LRRC4C: variants seen among roughly 807,000 people sequenced by gnomAD.
LRRC4C encodes leucine-rich repeat-containing protein 4C.
A neutral mutation model predicts 33.6 loss-of-function variants in LRRC4C; 5 were observed. That is an observed-to-expected ratio of 0.15 (90% CI 0.08 to 0.31). LRRC4C has a LOEUF of 0.31. Among genes scored for constraint, LRRC4C ranks in the 10% least tolerant of loss-of-function variants. The pLI is 1.00. For missense variants in LRRC4C, 560 were observed against 796.7 expected, an observed-to-expected ratio of 0.70 and a Z score of 3.58; for synonymous variants, 329 against 302.0, an observed-to-expected ratio of 1.09 and a Z score of -0.93.
At chr11:41,329,007 C>A (rs961956764) in intron 1 of LRRC4C, among the ~76,000 whole-genome samples, 5 of 151,998 alleles carry the variant, frequency 3.3e-5, no homozygotes, top group African/African-American at 1.2e-4. Flanking sequence ...AATATAATGC[C>A]CCATTTAATA....
intron 3 of LRRC4C, among the ~76,000 whole-genome samples, chr11:40,361,614 C>T (rs763987851): frequency 8.6e-5 from 13 of 151,952 alleles, no homozygotes; most frequent in East Asian, 3.9e-4. Flanking sequence ...ATAACACAAA[C>T]GAAAAAACAT....
intron 1 of LRRC4C, among the ~76,000 whole-genome samples, chr11:41,123,576 T>C (rs371407840): frequency 3.9e-4 from 60 of 152,060 alleles, no homozygotes; most frequent in African/African-American, 1.4e-3. Context: ...CCGGCCTTTT[T>C]TTTCTTTTTT....
Position 40,578,140 on chromosome 11 carries a change from G to GTTTTTTTTTTTTTTTTTTTT in LRRC4C, c.-270+70001_-270+70002insAAAAAAAAAAAAAAAAAAAA. On this transcript the variant is annotated intron_variant, in intron 3 of 6. Coordinates refer to ENST00000528697, the MANE Select transcript of LRRC4C (RefSeq NM_001258419.2). Reference sequence around the variant, plus strand: ...TGATATTATTGGACTTTTTTTTTTCGGTTTTTTTTTTTTTTTTTTTTTTTT... The same window carrying GTTTTTTTTTTTTTTTTTTTT: ...TGATATTATTGGACTTTTTTTTTTCGTTTTTTTTTTTTTTTTTTTTGTTTTTTTTTTTTTTTTTTTTTTTT... 4.9e-3 allele frequency among the ~76,000 whole-genome samples: 200 copies of GTTTTTTTTTTTTTTTTTTTT among 40,570 alleles called. 96 individuals are homozygous for GTTTTTTTTTTTTTTTTTTTT. The highest frequency in any genetic ancestry group is 7.6e-3 in the African/African-American group (54 of 7,096). The allele number at this position is 40,570 out of a possible 152,430, so 26.6% of individuals were successfully genotyped here. A position where few individuals can be genotyped will look rare whatever the true frequency, so the allele number is the denominator to read the frequency against.
chr11:41,310,662 C>A (rs1464332995), intron 1 of LRRC4C, among the ~76,000 whole-genome samples: 1 of 151,996 alleles, frequency 6.6e-6, no homozygotes, highest in Non-Finnish European at 1.5e-5. Context: ...ATTTGTCTAG[C>A]CTTAGTTTAA....
chr11:40,719,376 T>TA (rs1393846901), intron 2 of LRRC4C, among the ~76,000 whole-genome samples: 4 of 152,062 alleles, frequency 2.6e-5, no homozygotes, highest in African/African-American at 9.7e-5. Context: ...GAAAGTCAAC[T>TA]AAAAAAGGGA....
intron 3 of LRRC4C, among the ~76,000 whole-genome samples, chr11:40,588,520 T>G (rs1320783312): frequency 6.6e-6 from 1 of 151,732 alleles, no homozygotes; most frequent in Non-Finnish European, 1.5e-5. Flanking sequence ...TTCTGCTAGC[T>G]TTTGAATGTG....
At chr11:40,475,998 G>A (rs957241615) in intron 3 of LRRC4C, among the ~76,000 whole-genome samples, 1 of 152,096 alleles carries the variant, frequency 6.6e-6, no homozygotes, top group African/African-American at 2.4e-5. Context: ...AGGATATTTA[G>A]CAGCATCTCT....
At chr11:40,985,383 C>T (rs956919641) in intron 1 of LRRC4C, among the ~76,000 whole-genome samples, 1 of 151,590 alleles carries the variant, frequency 6.6e-6, no homozygotes, top group Non-Finnish European at 1.5e-5. Flanking sequence ...GGAAAAGTAC[C>T]TTATCATAAC....
At chr11:41,191,101 C>T (rs1472470434) in intron 1 of LRRC4C, among the ~76,000 whole-genome samples, 1 of 152,140 alleles carries the variant, frequency 6.6e-6, no homozygotes, top group African/African-American at 2.4e-5. Context: ...ATTCTGCAAT[C>T]TGTAGAAATG....
chr11:41,266,384 G>A (rs1481353587), intron 1 of LRRC4C, among the ~76,000 whole-genome samples: 1 of 152,014 alleles, frequency 6.6e-6, no homozygotes, highest in Non-Finnish European at 1.5e-5. Flanking sequence ...CTTTCAGTTT[G>A]ATAGAGTTTT....
At chr11:40,591,187 AT>A (rs909654582) in intron 3 of LRRC4C, among the ~76,000 whole-genome samples, 1 of 152,026 alleles carries the variant, frequency 6.6e-6, no homozygotes, top group Admixed American at 6.5e-5. Context: ...TTGGTGTGCC[AT>A]TTTTTAAGCC....
chr11:41,323,027 G>A (rs1052175260), intron 1 of LRRC4C, among the ~76,000 whole-genome samples: 12 of 152,196 alleles, frequency 7.9e-5, no homozygotes, highest in African/African-American at 2.9e-4. Flanking sequence ...AAAGGAAGAA[G>A]AGAAATAAAA....
chr11:40,382,522 CTTTAT>C (rs997925571), intron 3 of LRRC4C, among the ~76,000 whole-genome samples: 168 of 151,572 alleles, frequency 1.1e-3, no homozygotes, highest in African/African-American at 3.9e-3. Context: ...CTCCAACCCT[CTTTAT>C]TTATTATTAT....
chr11:40,275,809 T>C (rs1943059016), intron 4 of LRRC4C, among the ~76,000 whole-genome samples: 1 of 152,156 alleles, frequency 6.6e-6, no homozygotes, highest in South Asian at 2.1e-4. Flanking sequence ...GTTGGAAGCT[T>C]GTGAAGAACA....
chr11:41,084,595 T>C (rs1050901743), intron 1 of LRRC4C, among the ~76,000 whole-genome samples: 2 of 152,308 alleles, frequency 1.3e-5, no homozygotes, highest in Middle Eastern at 3.4e-3. Flanking sequence ...ACGCCTGTAA[T>C]CACAGCACTT....
chr11:40,767,583 A>G (rs1468002525), intron 2 of LRRC4C, among the ~76,000 whole-genome samples: 2 of 152,112 alleles, frequency 1.3e-5, no homozygotes, highest in Non-Finnish European at 2.9e-5. Flanking sequence ...CCATAAAACA[A>G]GTCTTAGGAA....
At chr11:41,039,900 G>C (rs920262237) in intron 1 of LRRC4C, among the ~76,000 whole-genome samples, 1 of 152,000 alleles carries the variant, frequency 6.6e-6, no homozygotes, top group Non-Finnish European at 1.5e-5. Flanking sequence ...TCAGCACTTT[G>C]GGAGGCCGAG....
intron 3 of LRRC4C, among the ~76,000 whole-genome samples, chr11:40,420,392 T>C (rs1382265721): frequency 6.6e-6 from 1 of 152,222 alleles, no homozygotes; most frequent in African/African-American, 2.4e-5. Flanking sequence ...CTTTAGTCTT[T>C]ATGGCAAACC....
Position 41,379,094 on chromosome 11 carries a change from G to C in LRRC4C, c.-496+80337C>G, listed in dbSNP as rs1433118043. The stretch of plus-strand genomic sequence containing the variant: ...TTATACCCACACTTTACTCCCAAAG[G>C]GGTAGGGCCCTGTATCTAAGTGGTT... On this transcript the variant is annotated intron_variant, in intron 1 of 6. Coordinates refer to ENST00000528697, the MANE Select transcript of LRRC4C (RefSeq NM_001258419.2). Among the ~76,000 whole-genome samples the C allele has an allele frequency of 2.0e-5, 3 of 151,858 alleles. No homozygotes were observed. The East Asian group carries it at 5.8e-4, about 29-fold the overall frequency.
Sources: gnomAD v4.1 joint callset for allele counts (sites outside exome capture counted in the v4.1 genomes callset) on GRCh38, gnomAD v4.1.1 for gene constraint, MANE v1.5 for transcripts, NCBI Gene and HGNC (gene_info 2026-07-23, HGNC 2026-07-21) for gene names.